Variants in DPP6 observed in about 807,000 individuals in gnomAD.
DPP6 encodes A-type potassium channel modulatory protein DPP6.
A neutral mutation model predicts 122.6 loss-of-function variants in DPP6; 69 were observed. That is an observed-to-expected ratio of 0.56 (90% CI 0.46 to 0.69). The LOEUF is 0.69. DPP6 is among the 30% of genes least tolerant of loss of function. DPP6 has a pLI of 0.00. For synonymous variants in DPP6, 418 were observed against 433.1 expected, an observed-to-expected ratio of 0.97 and a Z score of 0.43; for missense variants, 928 against 1,116.9, an observed-to-expected ratio of 0.83 and a Z score of 2.41.
In DPP6 at chr7:154,309,715, G is replaced by GA. The variant is rs1003758372; in HGVS notation, c.244-136491dup. ...GTATTTAAGATAAATGTGGTAACAG[G>GA]AAAAAAAAGAAGTGAAAAGAACACA... On this transcript the variant is annotated intron_variant, in intron 1 of 25. Transcript: ENST00000377770. 3.3e-5 allele frequency among the ~76,000 whole-genome samples: 5 copies of GA among 151,872 alleles called. No individual in the cohort carries two copies. In the East Asian group the frequency reaches 5.8e-4, roughly 18 times the overall value.
intron 7 of DPP6, among the ~76,000 whole-genome samples, chr7:154,682,579 T>G (rs1839349847): frequency 6.6e-6 from 1 of 152,234 alleles, no homozygotes; most frequent in South Asian, 2.1e-4. Flanking sequence ...GAACAGAAGA[T>G]AATTTGCTCA....
At chr7:153,921,793 C>T (rs908754617) in intron 1 of DPP6, among the ~76,000 whole-genome samples, 2 of 152,212 alleles carry the variant, frequency 1.3e-5, no homozygotes, top group African/African-American at 4.8e-5. Context: ...AGTAGAGTGT[C>T]TTACCTTCCG....
At chr7:154,633,159 T>G (rs1274550508) in intron 5 of DPP6, among the ~76,000 whole-genome samples, 1 of 152,198 alleles carries the variant, frequency 6.6e-6, no homozygotes, top group Non-Finnish European at 1.5e-5. Flanking sequence ...GAAAGCAGCC[T>G]TACTAATTTC....
chr7:154,802,094 A>G (rs1563226765), intron 13 of DPP6, among the ~76,000 whole-genome samples: 2 of 152,058 alleles, frequency 1.3e-5, no homozygotes, highest in South Asian at 2.1e-4. Context: ...CGGGGCTGCC[A>G]TGGTGTTGAC....
At chr7:154,866,331 T>C (rs979756422) in intron 17 of DPP6, among the ~76,000 whole-genome samples, 1 of 152,254 alleles carries the variant, frequency 6.6e-6, no homozygotes, top group Non-Finnish European at 1.5e-5. Flanking sequence ...ATTAAAGGGC[T>C]GAGGGCATTT....
chr7:154,043,357 C>T (rs1318289133), intron 1 of DPP6, among the ~76,000 whole-genome samples: 3 of 116,996 alleles, frequency 2.6e-5, no homozygotes, highest in African/African-American at 1.0e-4. Context: ...CATGCCATTG[C>T]ACTCCAGCCT....
At chr7:153,844,018 G>A in the DPP6 span, among the ~76,000 whole-genome samples, 1 of 152,156 alleles carries the variant, frequency 6.6e-6, no homozygotes, top group Non-Finnish European at 1.5e-5. Context: ...CTCCACAAGG[G>A]TCGCATTCCA....
chr7:154,056,197 G>A (rs1453921145), intron 1 of DPP6, among the ~76,000 whole-genome samples: 1 of 152,122 alleles, frequency 6.6e-6, no homozygotes, highest in Non-Finnish European at 1.5e-5. Flanking sequence ...GTACTAACAT[G>A]CAAAGTCTGA....
chr7:154,768,097 TG>T (rs942894122), intron 8 of DPP6, among the ~76,000 whole-genome samples: 3 of 152,208 alleles, frequency 2.0e-5, no homozygotes, highest in African/African-American at 7.2e-5. Flanking sequence ...AGGAGGATCA[TG>T]GGCAGCGTGC....
At chr7:154,080,881 G>A (rs1304903770) in intron 1 of DPP6, among the ~76,000 whole-genome samples, 12 of 152,060 alleles carry the variant, frequency 7.9e-5, no homozygotes, top group African/African-American at 2.7e-4. Context: ...CCCTCATGAG[G>A]GCTCTAATGG....
intron 1 of DPP6, among the ~76,000 whole-genome samples, chr7:153,931,724 T>C (rs1801179296): frequency 6.6e-6 from 1 of 152,272 alleles, no homozygotes; most frequent in South Asian, 2.1e-4. Flanking sequence ...AATTGAATTC[T>C]AATGTGTTTA....
intron 8 of DPP6, among the ~76,000 whole-genome samples, chr7:154,736,620 G>C (rs754880329): frequency 1.3e-5 from 2 of 152,230 alleles, no homozygotes; most frequent in Non-Finnish European, 2.9e-5. Context: ...CTGACATCAT[G>C]TCTGAATTCT....
In DPP6 at chr7:154,483,387, A is replaced by C. The variant is rs1823495330; in HGVS notation, c.457+8350A>C. ...TTAAAGGTAAACTGAGGCACAATAC[A>C]ATTTTTTTTTTTTTAAAAGCATTTA... On this transcript the variant is annotated intron_variant, in intron 3 of 25. Coordinates refer to ENST00000377770, the MANE Select transcript of DPP6 (RefSeq NM_130797.4). This position sits in a 1 kb window ranked among gnomAD's most constrained non-coding sequence, Gnocchi z 8.1. Among the ~76,000 whole-genome samples the C allele has an allele frequency of 2.3e-5, 2 of 88,290 alleles. No homozygotes were observed. Among genetic ancestry groups the C allele is most frequent in the South Asian group, 7.3e-4 (2 of 2,758 alleles). The allele number at this position is 88,290 out of a possible 152,430, so 57.9% of individuals were successfully genotyped here. A position where few individuals can be genotyped will look rare whatever the true frequency, so the allele number is the denominator to read the frequency against.
intron 1 of DPP6, among the ~76,000 whole-genome samples, chr7:154,163,322 G>T (rs544615117): frequency 4.6e-5 from 7 of 152,310 alleles, no homozygotes; most frequent in African/African-American, 1.4e-4. Context: ...TGGACACCTG[G>T]AATCTGTGCG....
intron 16 of DPP6, among the ~76,000 whole-genome samples, chr7:154,843,499 C>G (rs1021152443): frequency 1.3e-5 from 2 of 152,208 alleles, no homozygotes; most frequent in Non-Finnish European, 2.9e-5. Flanking sequence ...CTGCTTCCAT[C>G]CTTTCCCATG....
At chr7:154,350,444 A>G (rs1219336289) in intron 1 of DPP6, among the ~76,000 whole-genome samples, 3 of 152,148 alleles carry the variant, frequency 2.0e-5, no homozygotes, top group Admixed American at 6.5e-5. Flanking sequence ...TGTGTGTGGT[A>G]TGGCGTGCTA....
chr7:154,266,735 A>G (rs962009636), intron 1 of DPP6, among the ~76,000 whole-genome samples: 1 of 152,234 alleles, frequency 6.6e-6, no homozygotes, highest in Admixed American at 6.5e-5. Flanking sequence ...CAATGAAATG[A>G]TTCCACCAGA....
intron 1 of DPP6, among the ~76,000 whole-genome samples, chr7:154,000,063 T>C (rs2861471): frequency 7.9e-5 from 12 of 152,194 alleles, no homozygotes; most frequent in Non-Finnish European, 1.0e-4. Flanking sequence ...ATTTGCTTTG[T>C]AATGTTTACA....
chr7:154,777,883 G>A (rs866752046), intron 10 of DPP6, among the ~76,000 whole-genome samples: 2 of 152,246 alleles, frequency 1.3e-5, no homozygotes, highest in East Asian at 1.9e-4. Flanking sequence ...AGGCTCAGAG[G>A]CCTCTCACTT....
Sources: gnomAD v4.1 joint callset for allele counts (sites outside exome capture counted in the v4.1 genomes callset) on GRCh38, gnomAD v4.1.1 for gene constraint, Gnocchi (gnomAD v3.1) non-coding constraint, MANE v1.5 for transcripts, NCBI Gene and HGNC (gene_info 2026-07-23, HGNC 2026-07-21) for gene names.